Variants in HECTD4 observed in about 807,000 individuals in gnomAD.
HECTD4 encodes the protein probable E3 ubiquitin-protein ligase HECTD4.
HECTD4 carries 114 observed loss-of-function variants against 471.5 expected under a neutral mutation model. The ratio of observed to expected loss-of-function variants is 0.24; its 90% CI spans 0.21 to 0.28. HECTD4 has a LOEUF of 0.28. Ranked by LOEUF, HECTD4 falls within the 10% of genes least tolerant of loss-of-function variation. The pLI is 1.00. For missense variants in HECTD4, 3,866 were observed against 5,651.5 expected, an observed-to-expected ratio of 0.68 and a Z score of 10.13; for synonymous variants, 2,012 against 2,256.0, an observed-to-expected ratio of 0.89 and a Z score of 3.07.
At chr12:112,214,893 C>T (rs1197221795) in intron 48 of HECTD4, among the ~76,000 whole-genome samples, 1 of 152,138 alleles carries the variant, frequency 6.6e-6, no homozygotes, top group Non-Finnish European at 1.5e-5. Context: ...GTGGCTCACA[C>T]CTGAGAGCCC....
intron 52 of HECTD4, among the ~76,000 whole-genome samples, chr12:112,206,366 G>C (rs553952695): frequency 5.2e-4 from 79 of 152,044 alleles, no homozygotes; most frequent in Non-Finnish European, 8.5e-4. Context: ...TTGGTAGTGA[G>C]TGCCTGTAGT....
intron 72 of HECTD4, among the ~76,000 whole-genome samples, chr12:112,165,958 G>A (rs2030938684): frequency 1.3e-5 from 2 of 152,112 alleles, no homozygotes; most frequent in East Asian, 1.9e-4. Context: ...CCCCTTCACC[G>A]CAGACACTCC....
chr12:112,169,673 G>GAA lies in HECTD4; in HGVS notation c.12053-16_12053-15insTT. On this transcript the variant is annotated splice_polypyrimidine_tract_variant and intron_variant, in intron 69 of 75. Coordinates refer to ENST00000682272, the MANE Select transcript of HECTD4 (RefSeq NM_001388303.1). ...TCTGATTTCCCCTGGAAAGTGAGAT[G>GAA]AGCTGATCAAAGCACCCCGCCGTGG... 2 of 1,612,324 alleles carry GAA rather than the reference G, an allele frequency of 1.2e-6. No homozygotes were observed. The highest frequency in any genetic ancestry group is 1.7e-6 in the Non-Finnish European group (2 of 1,179,868).
intron 1 of HECTD4, among the ~76,000 whole-genome samples, chr12:112,341,212 T>G (rs534182336): frequency 1.3e-5 from 2 of 152,274 alleles, no homozygotes; most frequent in African/African-American, 4.8e-5. Context: ...AAATGCCACC[T>G]GCTAGGGAAC....
At position 112,184,511 on chromosome 12, in the gene HECTD4, G is replaced by A. The variant is rs1000001866; in HGVS notation, c.10455C>T (p.Ala3485=). The change falls in exon 61 of 76, where the codon GCC becomes GCT. Residue 3485 remains alanine (A), a synonymous_variant. Transcript: ENST00000682272. The surrounding 1 kb of genome is among the most constrained non-coding windows in gnomAD (Gnocchi z 9.1). ...TGGAGGCCTGGCTGGTGGAGGCGGA[G>A]GCGCTGATGCTCATGGCGGGGGTCA... is the stretch of plus-strand genomic sequence containing the variant. ...SSLTPAMSIS[A]SASTSQASIC... 6.2e-7 allele frequency: 1 copy of A among 1,611,040 alleles called. No individual in the cohort carries two copies.
In HECTD4 at chr12:112,163,481, G is replaced by T; in HGVS notation, c.12897+61C>A. ...GATGCCTGCTGCTGGAGTTGAGGGT[G>T]ACAGGGAGGCACGCCTGGGGCTCAC... On this transcript the variant is annotated intron_variant, in intron 74 of 75. Coordinates refer to ENST00000682272, the MANE Select transcript of HECTD4 (RefSeq NM_001388303.1). The surrounding 1 kb of genome is among the most constrained non-coding windows in gnomAD (Gnocchi z 8.2). 1 of 1,380,168 alleles carries T rather than the reference G, an allele frequency of 7.2e-7. No individual in the cohort carries two copies. The highest frequency in any genetic ancestry group is 1.5e-5 in the South Asian group (1 of 66,316). The allele number at this position is 1,380,168 out of a possible 1,614,324, so 85.5% of individuals were successfully genotyped here. A position where few individuals can be genotyped will look rare whatever the true frequency, so the allele number is the denominator to read the frequency against.
chr12:112,263,672 T>C (rs998042739), intron 17 of HECTD4, among the ~76,000 whole-genome samples: 1 of 151,610 alleles, frequency 6.6e-6, no homozygotes, highest in Admixed American at 6.6e-5. Context: ...ATAAACCATC[T>C]AAAATTTTGA....
chr12:112,339,109 G>A (rs781019708), intron 1 of HECTD4, among the ~76,000 whole-genome samples: 2 of 151,936 alleles, frequency 1.3e-5, no homozygotes, highest in African/African-American at 4.8e-5. Context: ...TCTTGCACAT[G>A]AACACCACAT....
intron 69 of HECTD4, 127 bp downstream of exon 69, chr12:112,170,206 G>T: frequency 7.7e-7 from 1 of 1,298,810 alleles, no homozygotes. Flanking sequence ...ACACCAGGGC[G>T]CTCCAGCAGA....
intron 18 of HECTD4, among the ~76,000 whole-genome samples, chr12:112,260,088 C>T (rs2135599273): frequency 6.6e-6 from 1 of 152,162 alleles, no homozygotes; most frequent in South Asian, 2.1e-4. Flanking sequence ...TTATAAAACC[C>T]AAACTCTATG....
chr12:112,212,786 T>C (rs1195836189), intron 48 of HECTD4, 136 bp from the exon 49 acceptor site: 10 of 629,302 alleles, frequency 1.6e-5, no homozygotes, highest in South Asian at 3.2e-5. Flanking sequence ...CATGAAGTTA[T>C]TGTTATTTAT....
In HECTD4 at chr12:112,184,450, C is replaced by A. The variant is rs1247924128; in HGVS notation, c.10516G>T (p.Asp3506Tyr). The change falls in exon 61 of 76, where the codon GAC (aspartate) becomes TAC (tyrosine). Residue 3506 changes from aspartate to tyrosine, a missense_variant. By Grantham distance (160) the Asp-to-Tyr change is radical (BLOSUM62 -3). Transcript: ENST00000682272. The surrounding 1 kb of genome is among the most constrained non-coding windows in gnomAD (Gnocchi z 9.1). ...SSQGISQTVS[D>Y]LSVDPLPAGL... ...GCAGGCAGCGGATCCACAGAGAGGTCGCTGACGGTTTGGGAGATGCCCTGC... is the reference window on the plus strand; with the variant it reads ...GCAGGCAGCGGATCCACAGAGAGGTAGCTGACGGTTTGGGAGATGCCCTGC... 10 of 1,605,442 alleles carry A rather than the reference C, an allele frequency of 6.2e-6. No individual in the cohort carries two copies. The South Asian group carries it at 8.8e-5, about 14-fold the overall frequency.
chr12:112,170,518 A>C, intron 68 of HECTD4, 66 bp from the exon 69 acceptor site: 2 of 1,568,000 alleles, frequency 1.3e-6, no homozygotes, highest in Non-Finnish European at 1.7e-6. Flanking sequence ...TCCCCCCAAG[A>C]CTCTCTTCCG....
intron 7 of HECTD4, among the ~76,000 whole-genome samples, chr12:112,287,671 C>T (rs1023999194): frequency 2.0e-5 from 3 of 151,924 alleles, no homozygotes; most frequent in Non-Finnish European, 4.4e-5. Flanking sequence ...AGCTGGATTA[C>T]GCCTGTAATC....
Position 112,173,980 on chromosome 12 carries a change from CTT to C in HECTD4, c.11595-1121_11595-1120del, listed in dbSNP as rs869244608. On this transcript the variant is annotated intron_variant, in intron 66 of 75. Transcript: ENST00000682272. The surrounding 1 kb of genome is among the most constrained non-coding windows in gnomAD (Gnocchi z 4.3). ...TTTGGTAGCCATTTTCTTTCCTTTT[CTT>C]TTTTTTTTTTTTGAGTTGGAGTTTC... Among the ~76,000 whole-genome samples, 27 of 141,240 alleles carry C rather than the reference CTT, an allele frequency of 1.9e-4. No homozygotes were observed. Among genetic ancestry groups the C allele is most frequent in the Admixed American group, 2.8e-4 (4 of 14,164 alleles). The allele number at this position is 141,240 out of a possible 152,430, so 92.7% of individuals were successfully genotyped here.
intron 34 of HECTD4, among the ~76,000 whole-genome samples, chr12:112,238,244 C>T (rs910456536): frequency 1.3e-5 from 2 of 151,712 alleles, no homozygotes; most frequent in African/African-American, 2.4e-5. Flanking sequence ...GAAACAGGGT[C>T]TCGCTCTGTT....
rs1049623616 is a variant in HECTD4 at position 112,243,193 on chromosome 12, T to C, written c.4958+160A>G. ...TACTGAGAGTTTTACGTTCTATTAA[T>C]ATGTTGAGTTTTTTGCAAGATCATG... On this transcript the variant is annotated intron_variant, in intron 32 of 75. Coordinates refer to ENST00000682272, the MANE Select transcript of HECTD4 (RefSeq NM_001388303.1). The surrounding 1 kb of genome is among the most constrained non-coding windows in gnomAD (Gnocchi z 6.6). 6.6e-6 allele frequency among the ~76,000 whole-genome samples: 1 copy of C among 152,216 alleles called. No homozygotes were observed. Among genetic ancestry groups the C allele is most frequent in the Non-Finnish European group, 1.5e-5 (1 of 68,038 alleles).
chr12:112,313,086 C>T lies in HECTD4; in HGVS notation c.847G>A (p.Val283Ile). The T allele has an allele frequency of 6.5e-7, 1 of 1,535,788 alleles. No individual in the cohort carries two copies. ...PSCLLGGKHI[V>I]SWGYEDMLPA... ...AACATGTCTTCATAACCCCATGATA[C>T]TATGTGTTTGCCCCCAAGCAAACAG... is the stretch of plus-strand genomic sequence containing the variant. The change falls in exon 4 of 76, where the codon GTA becomes ATA. Residue 283 changes from valine (V) to isoleucine (I), a missense_variant. Transcript: ENST00000682272.
At chr12:112,332,561 A>T in intron 1 of HECTD4, among the ~76,000 whole-genome samples, 1 of 151,196 alleles carries the variant, frequency 6.6e-6, no homozygotes, top group Admixed American at 6.6e-5. Context: ...AAAAAAAAAA[A>T]GATTCCTGGA....
Sources: allele counts gnomAD v4.1 joint callset (sites outside exome capture counted in the v4.1 genomes callset), GRCh38; gene constraint gnomAD v4.1.1; non-coding constraint Gnocchi (gnomAD v3.1); transcripts MANE v1.5; gene names NCBI Gene and HGNC (gene_info 2026-07-23, HGNC 2026-07-21).